The following EPC1 variants were observed in gnomAD, a reference collection of about 807,000 sequenced individuals.
EPC1 encodes the protein enhancer of polycomb 1, also known as enhancer of polycomb homolog 1.
Under a neutral mutation model 98.4 loss-of-function variants are expected in EPC1, and 12 were observed. The ratio of observed to expected loss-of-function variants is 0.12; its 90% confidence interval spans 0.08 to 0.20. The LOEUF (loss-of-function observed/expected upper bound fraction) is 0.20. EPC1 is among the 10% of genes least tolerant of loss of function. EPC1 has a pLI of 1.00. For missense variants in EPC1, 729 were observed against 990.5 expected (o/e 0.74, Z 3.54); for synonymous variants, 357 against 363.9 (o/e 0.98, Z 0.21).
At chr10:32,352,366 C>T (rs1839139793) in intron 1 of EPC1, among the ~76,000 whole-genome samples, 1 of 152,034 alleles carries the variant, frequency 6.6e-6, no homozygotes, top group South Asian at 2.1e-4. Context: ...TGATTCTTTT[C>T]AGTCTGTCCT....
chr10:32,372,080 T>C (rs559162393), intron 1 of EPC1, among the ~76,000 whole-genome samples: 9 of 152,306 alleles, frequency 5.9e-5, no homozygotes, highest in Non-Finnish European at 8.8e-5. Context: ...AAAATACTTA[T>C]CATGGCAGAC....
chr10:32,377,861 C>T (rs887561558), intron 1 of EPC1, among the ~76,000 whole-genome samples: 8 of 151,792 alleles, frequency 5.3e-5, no homozygotes, highest in South Asian at 4.1e-4. Flanking sequence ...CCAAATGTAC[C>T]GTATAGGAGA....
In EPC1 at chr10:32,284,987, C is replaced by T. The variant is rs375175947; in HGVS notation, c.1455G>A (p.Met485Ile). The T allele has an allele frequency of 3.5e-5, 57 of 1,614,204 alleles. No homozygotes were observed. In the Middle Eastern group the frequency reaches 2.6e-3, roughly 75 times the overall value. ...CTGGAGAATGTTGTGGTGAGGAAAG[C>T]ATTTCCAAATCCAGATGGTGAAACA... is the stretch of plus-strand genomic sequence containing the variant. ...DSVFHHLDLE[M>I]LSSPQHSPVN... Residue 485 changes from methionine (M) to isoleucine (I), a missense_variant, in exon 10 of 14, where the codon ATG (methionine) becomes ATA (isoleucine). By Grantham distance (10) the Met-to-Ile change is conservative. Around this residue, in one of 6 missense-constraint regions of EPC1, gnomAD observed 390 missense variants for 438.6 expected, o/e 0.89. Coordinates refer to ENST00000319778, the MANE Select transcript of EPC1 (RefSeq NM_001272004.3).
intron 1 of EPC1, among the ~76,000 whole-genome samples, chr10:32,343,481 G>A (rs1838511139): frequency 6.6e-6 from 1 of 152,226 alleles, no homozygotes; most frequent in Non-Finnish European, 1.5e-5. Context: ...AAAGTGCTGG[G>A]ATTACAGGCG....
At chr10:32,278,229 C>T (rs899913837) in intron 10 of EPC1, among the ~76,000 whole-genome samples, 2 of 150,444 alleles carry the variant, frequency 1.3e-5, no homozygotes, top group Non-Finnish European at 3.0e-5. Context: ...TTAGTAGAGA[C>T]GGAGTTTTCG....
At chr10:32,303,550 A>G (rs1175367342) in intron 2 of EPC1, among the ~76,000 whole-genome samples, 2 of 152,222 alleles carry the variant, frequency 1.3e-5, no homozygotes, top group African/African-American at 2.4e-5. Flanking sequence ...AGCCAACCTC[A>G]AAAGGATACA....
intron 1 of EPC1, among the ~76,000 whole-genome samples, chr10:32,339,423 T>C (rs1838188313): frequency 6.6e-6 from 1 of 151,966 alleles, no homozygotes; most frequent in Non-Finnish European, 1.5e-5. Context: ...CACACACCTG[T>C]AGCCCCAGCT....
At position 32,316,402 on chromosome 10, in the gene EPC1, C is replaced by G. The variant is rs116114307; in HGVS notation, c.154-10471G>C. ...CAAAGAGCTTTATTCATAATGGGCC[C>G]AAACTGGAAGCCACTCAAATGTCCA... On this transcript the variant is annotated intron_variant, in intron 1 of 13. Coordinates refer to ENST00000319778, the MANE Select transcript of EPC1 (RefSeq NM_001272004.3). Among the ~76,000 whole-genome samples, 824 of 152,216 alleles carry G rather than the reference C, an allele frequency of 5.4e-3. 12 individuals carry two copies. Among genetic ancestry groups the G allele is most frequent in the African/African-American group, 0.019 (792 of 41,520 alleles).
chr10:32,335,112 C>A (rs1480058585), intron 1 of EPC1, among the ~76,000 whole-genome samples: 2 of 152,142 alleles, frequency 1.3e-5, no homozygotes, highest in Admixed American at 6.5e-5. Context: ...GGCTATCATA[C>A]CACTTCTAGC....
chr10:32,334,134 G>T (rs1253594374), intron 1 of EPC1, among the ~76,000 whole-genome samples: 1 of 152,206 alleles, frequency 6.6e-6, no homozygotes, highest in African/African-American at 2.4e-5. Context: ...ACTCACCTAA[G>T]GATTGGCTGA....
chr10:32,368,631 A>G (rs1055578756), intron 1 of EPC1, among the ~76,000 whole-genome samples: 1 of 152,152 alleles, frequency 6.6e-6, no homozygotes, highest in Non-Finnish European at 1.5e-5. Flanking sequence ...TAAACCTTAT[A>G]CTCTATGTGA....
intron 10 of EPC1, among the ~76,000 whole-genome samples, chr10:32,275,167 T>C (rs1244588765): frequency 6.6e-6 from 1 of 152,264 alleles, no homozygotes; most frequent in East Asian, 1.9e-4. Context: ...TTGTAGAACT[T>C]TGCTGGCGTG....
intron 1 of EPC1, among the ~76,000 whole-genome samples, chr10:32,320,594 T>A (rs1425662344): frequency 1.3e-5 from 2 of 152,208 alleles, no homozygotes; most frequent in Non-Finnish European, 2.9e-5. Context: ...AATTAGTCAT[T>A]TGACCTTTTT....
intron 1 of EPC1, among the ~76,000 whole-genome samples, chr10:32,371,754 A>C (rs530082175): frequency 6.6e-6 from 1 of 151,892 alleles, no homozygotes; most frequent in Non-Finnish European, 1.5e-5. Flanking sequence ...CACACACACA[A>C]AAATTAGCTG....
At chr10:32,294,535 G>A (rs556775727) in intron 2 of EPC1, among the ~76,000 whole-genome samples, 183 of 152,288 alleles carry the variant, frequency 1.2e-3, no homozygotes, top group Non-Finnish European at 2.2e-3. Flanking sequence ...GAACTGCGGA[G>A]CATTTCAGAT....
At chr10:32,355,646 A>G (rs1839252520) in intron 1 of EPC1, among the ~76,000 whole-genome samples, 1 of 100,336 alleles carries the variant, frequency 1.0e-5, no homozygotes, top group Non-Finnish European at 1.8e-5. Context: ...TTTTTTTGGG[A>G]CAGAGTTGAC....
chr10:32,326,254 G>C (rs999151501), intron 1 of EPC1, among the ~76,000 whole-genome samples: 4 of 152,158 alleles, frequency 2.6e-5, no homozygotes, highest in South Asian at 4.1e-4. Context: ...GCTGTCGTGT[G>C]GCTGGGAGGG....
rs1838234436 is a variant in EPC1, at chr10:32,339,930, C to CA, written c.153+6832dup. On this transcript the variant is annotated intron_variant, in intron 1 of 13. Transcript: ENST00000319778. ...GATACACAATTGCTATTTGGATGCTCAGAGGATATACAATTGCTACATTAT... is the reference window on the plus strand; with the variant it reads ...GATACACAATTGCTATTTGGATGCTCAAGAGGATATACAATTGCTACATTAT... 2.6e-5 allele frequency among the ~76,000 whole-genome samples: 4 copies of CA among 152,120 alleles called. No homozygotes were observed. The South Asian group carries it at 8.3e-4, about 31-fold the overall frequency.
chr10:32,320,721 A>C (rs2132903428), intron 1 of EPC1, among the ~76,000 whole-genome samples: 1 of 152,136 alleles, frequency 6.6e-6, no homozygotes, highest in African/African-American at 2.4e-5. Flanking sequence ...CAGCCTCCCA[A>C]GTAGCTTGGA....
Sources: allele counts gnomAD v4.1 joint callset (sites outside exome capture counted in the v4.1 genomes callset), GRCh38; gene constraint gnomAD v4.1.1; regional missense constraint gnomAD v4.1.1; transcripts MANE v1.5; gene names NCBI Gene and HGNC (gene_info 2026-07-23, HGNC 2026-07-21).